Variants in RAP1GAP2 observed in about 807,000 individuals in gnomAD.
RAP1GAP2 encodes rap1 GTPase-activating protein 2.
In RAP1GAP2, 27 loss-of-function variants were observed where a neutral mutation model predicts 95.0. The observed-to-expected ratio is 0.28, with a 90% confidence interval of 0.21 to 0.39. The LOEUF (loss-of-function observed/expected upper bound fraction) is 0.39. Among genes scored for constraint, RAP1GAP2 ranks in the 10% least tolerant of loss-of-function variants. The probability of loss-of-function intolerance (pLI) is 1.00; values close to 1 mark genes in which losing one functional copy is unlikely to be tolerated. For missense variants in RAP1GAP2, 771 were observed against 970.0 expected (o/e 0.79, Z 2.72); for synonymous variants, 373 against 380.9 (o/e 0.98, Z 0.24).
chr17:2,949,473 A>G (rs542434320), intron 3 of RAP1GAP2, among the ~76,000 whole-genome samples: 1 of 151,724 alleles, frequency 6.6e-6, no homozygotes, highest in South Asian at 2.1e-4. Context: ...GCATTAACTG[A>G]GTGCCTGTTG....
In RAP1GAP2 at chr17:2,797,743, C is replaced by T; in HGVS notation, c.44+1172C>T. 3.0e-6 allele frequency: 3 copies of T among 985,326 alleles called. No homozygotes were observed. The highest frequency in any genetic ancestry group is 3.6e-6 in the Non-Finnish European group (3 of 829,918). 61.0% of individuals were successfully genotyped at this position (985,326 alleles called of 1,614,324 possible). A position where few individuals can be genotyped will look rare whatever the true frequency, so the allele number is the denominator to read the frequency against. ...AGCGTCGCCTGTGTCTGCTCTCGGG[C>T]CCTCCCTGACGCCTGGATCTGGGAG... On this transcript the variant is annotated intron_variant, in intron 1 of 24. Transcript: ENST00000254695. This position sits in a 1 kb window ranked among gnomAD's most constrained non-coding sequence, Gnocchi z 5.6.
rs752779630 is a variant in RAP1GAP2, at chr17:2,905,457, C to T, written c.165+89C>T. The T allele has an allele frequency of 2.1e-4, 287 of 1,336,368 alleles. 1 individual carries two copies. Among genetic ancestry groups the T allele is most frequent in the East Asian group, 7.4e-5 (3 of 40,486 alleles). 82.8% of individuals were successfully genotyped at this position (1,336,368 alleles called of 1,614,324 possible). ...GTGGCTTTGGCTCCAGGCCCAGCAG[C>T]GTCCGTCGCAGTGGGGCTGTGGAGT... On this transcript the variant is annotated intron_variant, in intron 3 of 24. Coordinates refer to ENST00000254695, the MANE Select transcript of RAP1GAP2 (RefSeq NM_015085.5).
chr17:2,793,195 C>G (rs1426110201), upstream of RAP1GAP2, among the ~76,000 whole-genome samples: 1 of 151,536 alleles, frequency 6.6e-6, no homozygotes, highest in Non-Finnish European at 1.5e-5. Context: ...CTCTTGTCGC[C>G]CAGGCTGGAG....
intron 3 of RAP1GAP2, among the ~76,000 whole-genome samples, chr17:2,920,010 CT>C (rs34848214): frequency 0.16 from 18,566 of 116,822 alleles, 2,351 homozygotes; most frequent in East Asian, 0.42. Flanking sequence ...CTCCTTTTTT[CT>C]TTTTTTTTTT....
At chr17:2,776,730 C>A (rs1292676473), upstream of RAP1GAP2, among the ~76,000 whole-genome samples, 11 of 149,528 alleles carry the variant, frequency 7.4e-5, no homozygotes, top group African/African-American at 2.2e-4. Flanking sequence ...GGTGTGCGGG[C>A]GGTGGCGGCT....
At chr17:2,848,084 G>A (rs541973205) in intron 2 of RAP1GAP2, among the ~76,000 whole-genome samples, 178 of 152,274 alleles carry the variant, frequency 1.2e-3, no homozygotes, top group Non-Finnish European at 1.8e-3. Context: ...TGAACAGGAA[G>A]TCGGCAGGGT....
intron 2 of RAP1GAP2, among the ~76,000 whole-genome samples, chr17:2,859,189 C>T (rs1341790650): frequency 6.7e-6 from 1 of 149,292 alleles, no homozygotes; most frequent in Non-Finnish European, 1.5e-5. Context: ...CGGCTCACTG[C>T]AACCTCTGCC....
intron 1 of RAP1GAP2, among the ~76,000 whole-genome samples, chr17:2,778,873 T>G (rs12936006): frequency 1.5e-4 from 23 of 152,122 alleles, no homozygotes; most frequent in African/African-American, 5.3e-4. Context: ...GGCGGTGTTC[T>G]GAGGAGCCTT....
intron 2 of RAP1GAP2, among the ~76,000 whole-genome samples, chr17:2,854,360 G>T (rs536380900): frequency 5.3e-5 from 8 of 152,336 alleles, no homozygotes; most frequent in African/African-American, 1.9e-4. Context: ...GGGACCCCAA[G>T]TCCGTCGCCC....
Position 2,796,460 on chromosome 17 carries a change from C to T in RAP1GAP2, c.-68C>T. The T allele has an allele frequency of 6.6e-7, 1 of 1,525,290 alleles. No individual in the cohort carries two copies. The allele number at this position is 1,525,290 out of a possible 1,614,324, so 94.5% of individuals were successfully genotyped here. A position where few individuals can be genotyped will look rare whatever the true frequency, so the allele number is the denominator to read the frequency against. ...GGCACTGACCCCGCTGTACCACGGCCCTCTTGCGGACAGCCCCGGGGACGT... is the reference window on the plus strand; with the variant it reads ...GGCACTGACCCCGCTGTACCACGGCTCTCTTGCGGACAGCCCCGGGGACGT... On this transcript the variant is annotated 5_prime_UTR_variant, in exon 1 of 25. Transcript: ENST00000254695. The surrounding 1 kb of genome is among the most constrained non-coding windows in gnomAD (Gnocchi z 4.7).
intron 1 of RAP1GAP2, among the ~76,000 whole-genome samples, chr17:2,790,930 C>T (rs1393211543): frequency 2.0e-5 from 3 of 152,244 alleles, no homozygotes; most frequent in Admixed American, 6.5e-5. Flanking sequence ...GCGCTGCGAG[C>T]GCCGTGGCTC....
At chr17:2,978,812 G>C (rs2045231545) in intron 8 of RAP1GAP2, among the ~76,000 whole-genome samples, 1 of 152,062 alleles carries the variant, frequency 6.6e-6, no homozygotes, top group Non-Finnish European at 1.5e-5. Context: ...GCAAGCACCA[G>C]TAATCCCAGC....
chr17:2,974,560 A>G (rs2045025300), intron 8 of RAP1GAP2, among the ~76,000 whole-genome samples: 1 of 151,788 alleles, frequency 6.6e-6, no homozygotes, highest in Admixed American at 6.6e-5. Flanking sequence ...TAGATAAAAT[A>G]TGTTGATAAA....
At chr17:3,032,737 A>AGCCCGG (rs1419151781) in intron 24 of RAP1GAP2, among the ~76,000 whole-genome samples, 1 of 119,642 alleles carries the variant, frequency 8.4e-6, no homozygotes, top group Non-Finnish European at 2.1e-5. Flanking sequence ...GAGTCGCCCA[A>AGCCCGG]GCCCGCTTCT....
At chr17:2,864,812 T>C (rs1328897448) in intron 2 of RAP1GAP2, among the ~76,000 whole-genome samples, 1 of 152,084 alleles carries the variant, frequency 6.6e-6, no homozygotes, top group Non-Finnish European at 1.5e-5. Flanking sequence ...GTATTCCTCC[T>C]CCCTCCCCCT....
At chr17:2,790,622 T>C (rs1036102344) in intron 1 of RAP1GAP2, among the ~76,000 whole-genome samples, 1 of 152,086 alleles carries the variant, frequency 6.6e-6, no homozygotes, top group African/African-American at 2.4e-5. Context: ...TGGGGGAGGA[T>C]CTGGGTCAGA....
chr17:2,820,614 C>T (rs1209664338), intron 2 of RAP1GAP2, among the ~76,000 whole-genome samples: 1 of 139,556 alleles, frequency 7.2e-6, no homozygotes, highest in Non-Finnish European at 1.5e-5. Flanking sequence ...TGAGAGACAC[C>T]GTCTCAAAAA....
chr17:2,885,531 C>T (rs902494364), intron 2 of RAP1GAP2, among the ~76,000 whole-genome samples: 1 of 152,212 alleles, frequency 6.6e-6, no homozygotes, highest in African/African-American at 2.4e-5. Flanking sequence ...GGCCCGGCTA[C>T]CCCCACCAAG....
Position 3,026,080 on chromosome 17 carries a change from A to G in RAP1GAP2, c.1824A>G (p.Ser608=), listed in dbSNP as rs1269691775. 1 of 1,613,400 alleles carries G rather than the reference A, an allele frequency of 6.2e-7. No homozygotes were observed. Among genetic ancestry groups the G allele is most frequent in the African/African-American group, 1.3e-5 (1 of 74,902 alleles). Residue 608 remains serine (S), a synonymous_variant, in exon 20 of 25, where the codon TCA becomes TCG. Transcript: ENST00000254695. ...CTCAGGAGATAAAGTCTGAGACCTCATCCAATCCCAGCTCTCCGGAAATCT... is the reference window on the plus strand; with the variant it reads ...CTCAGGAGATAAAGTCTGAGACCTCGTCCAATCCCAGCTCTCCGGAAATCT... ...HSSQEIKSET[S]SNPSSPEICP...
Sources: allele counts gnomAD v4.1 joint callset (sites outside exome capture counted in the v4.1 genomes callset), GRCh38; gene constraint gnomAD v4.1.1; non-coding constraint Gnocchi (gnomAD v3.1); transcripts MANE v1.5; gene names NCBI Gene and HGNC (gene_info 2026-07-23, HGNC 2026-07-21).